Variants in EMILIN2 observed in about 807,000 individuals in gnomAD.
EMILIN2 encodes the protein elastin microfibril interfacer 2, also known as EMILIN-2.
A neutral mutation model predicts 87.1 loss-of-function variants in EMILIN2; 71 were observed. That is an observed-to-expected ratio of 0.82 (90% CI 0.67 to 0.99). The LOEUF is 0.99. Among genes scored for constraint, EMILIN2 ranks in the 50% least tolerant of loss-of-function variants. The pLI, the probability that EMILIN2 is intolerant of heterozygous loss-of-function variation, is 0.00. For missense variants in EMILIN2, 1,407 were observed against 1,371.8 expected (o/e 1.03, Z -0.40); for synonymous variants, 581 against 563.4 (o/e 1.03, Z -0.44).
At chr18:2,873,434 G>A (rs370061565) in intron 2 of EMILIN2, among the ~76,000 whole-genome samples, 14 of 148,020 alleles carry the variant, frequency 9.5e-5, no homozygotes, top group Non-Finnish European at 1.0e-4. Flanking sequence ...ATAGCTGGGC[G>A]CGGTAGCTCA....
chr18:2,879,121 G>T (rs2076764195), intron 2 of EMILIN2, among the ~76,000 whole-genome samples: 1 of 152,180 alleles, frequency 6.6e-6, no homozygotes, highest in South Asian at 2.1e-4. Flanking sequence ...TGGATGTCGG[G>T]GGAGAGAGAA....
At chr18:2,846,731 G>C (rs997095257), upstream of EMILIN2, 7 of 984,994 alleles carry the variant, frequency 7.1e-6, no homozygotes, top group Non-Finnish European at 8.4e-6. The surrounding 1 kb of genome is among the most constrained non-coding windows in gnomAD (Gnocchi z 5.3). Flanking sequence ...GGCCGGGAGC[G>C]AGCCTGTCGG....
intron 3 of EMILIN2, among the ~76,000 whole-genome samples, chr18:2,889,812 A>G (rs959761824): frequency 1.2e-4 from 18 of 148,586 alleles, no homozygotes; most frequent in Middle Eastern, 3.5e-3. Context: ...ACAGGCACAC[A>G]CCACCTCCCT....
chr18:2,889,616 G>A (rs1246057235), intron 3 of EMILIN2, among the ~76,000 whole-genome samples: 1 of 148,098 alleles, frequency 6.8e-6, no homozygotes, highest in Non-Finnish European at 1.5e-5. Flanking sequence ...CTTTCTTTTG[G>A]ATTTTTTCCT....
chr18:2,873,235 A>G (rs1243492845), intron 2 of EMILIN2, among the ~76,000 whole-genome samples: 1 of 151,656 alleles, frequency 6.6e-6, no homozygotes, highest in East Asian at 1.9e-4. Flanking sequence ...ACATGGCGAA[A>G]CCCCATCTCT....
chr18:2,873,059 A>C (rs1429170796), intron 2 of EMILIN2, among the ~76,000 whole-genome samples: 4 of 143,394 alleles, frequency 2.8e-5, no homozygotes, highest in Non-Finnish European at 4.4e-5. Context: ...TAAAAAAAAA[A>C]AACAAAACCA....
At position 2,913,491 on chromosome 18, in the gene EMILIN2, C is replaced by T. The variant is rs1043981989; in HGVS notation, c.*87C>T. ...ATTCGGTTTGTATGTAATGGAAGCA[C>T]GGGGCTAGAGTTTCCACATAGGCCC... On this transcript the variant is annotated 3_prime_UTR_variant, in exon 8 of 8. Transcript: ENST00000254528. 59 of 1,129,634 alleles carry T rather than the reference C, an allele frequency of 5.2e-5. No homozygotes were observed. Among genetic ancestry groups the T allele is most frequent in the South Asian group, 3.1e-4 (19 of 62,032 alleles). The allele number at this position is 1,129,634 out of a possible 1,614,324, so 70.0% of individuals were successfully genotyped here. A position where few individuals can be genotyped will look rare whatever the true frequency, so the allele number is the denominator to read the frequency against.
At chr18:2,909,658 G>A (rs781749048) in intron 6 of EMILIN2, 33 bp from the exon 7 acceptor site, 10 of 1,609,566 alleles carry the variant, frequency 6.2e-6, no homozygotes, top group African/African-American at 2.7e-5. Context: ...AGAAGCACCC[G>A]GGTCAATCCA....
At chr18:2,862,438 C>T (rs1051597006) in intron 2 of EMILIN2, among the ~76,000 whole-genome samples, 1 of 152,164 alleles carries the variant, frequency 6.6e-6, no homozygotes, top group African/African-American at 2.4e-5. Context: ...GAGCTTTTAG[C>T]ATGAAGGTTG....
At chr18:2,889,367 T>A (rs528524599) in intron 3 of EMILIN2, among the ~76,000 whole-genome samples, 20 of 152,042 alleles carry the variant, frequency 1.3e-4, no homozygotes, top group South Asian at 1.0e-3. Context: ...TGAACTCCTA[T>A]CCTCAAGCAA....
chr18:2,891,364 G>T lies in EMILIN2; in HGVS notation c.1237G>T (p.Asp413Tyr), dbSNP rs749295130. 2 of 1,614,194 alleles carry T rather than the reference G, an allele frequency of 1.2e-6. No homozygotes were observed. The highest frequency in any genetic ancestry group is 4.5e-5 in the East Asian group (2 of 44,890). ...CATTGGTCAACAGATCAAGACATTG[G>T]ACCAGAAAATCGAGAGAGTTGCTGA... ...GDIGQQIKTL[D>Y]QKIERVAEAT... The change falls in exon 4 of 8, where the codon GAC becomes TAC. Residue 413 changes from aspartate to tyrosine, a missense_variant. Physicochemically the swap from Asp to Tyr is radical, Grantham distance 160 (BLOSUM62 -3). Coordinates refer to ENST00000254528, the MANE Select transcript of EMILIN2 (RefSeq NM_032048.3). This position sits in a 1 kb window ranked among gnomAD's most constrained non-coding sequence, Gnocchi z 4.6.
At chr18:2,911,173 G>A (rs2076938945) in intron 7 of EMILIN2, among the ~76,000 whole-genome samples, 2 of 152,214 alleles carry the variant, frequency 1.3e-5, no homozygotes, top group Admixed American at 6.5e-5. Context: ...ATTCAAGTGC[G>A]GTCTGACAGG....
rs183506472 is a variant in EMILIN2, at chr18:2,913,028, G to A, written c.2825-39G>A. On this transcript the variant is annotated intron_variant, in intron 7 of 7. Transcript: ENST00000254528. ...TTACTACCATGGCAAGGGCTGTGAC[G>A]ACAGCAGGTGAGCACAGGGTTTGCC... 3.9e-4 allele frequency: 626 copies of A among 1,596,966 alleles called. 1 individual carries two copies. In the African/African-American group the frequency reaches 5.3e-3, roughly 14 times the overall value.
rs1357681001 is a variant in EMILIN2, at chr18:2,848,970, G to A, written c.257+1039G>A. On this transcript the variant is annotated intron_variant, in intron 2 of 7. Transcript: ENST00000254528. This position sits in a 1 kb window ranked among gnomAD's most constrained non-coding sequence, Gnocchi z 4.1. ...TGGGTCCACCCCACGTGGGCTTCTG[G>A]AGGAGCTGCCAACAGGGTTCAGCTA... Among the ~76,000 whole-genome samples the A allele has an allele frequency of 6.6e-6, 1 of 152,160 alleles. No homozygotes were observed. The highest frequency in any genetic ancestry group is 6.5e-5 in the Admixed American group (1 of 15,270).
chr18:2,901,561 C>A (rs1021192710), intron 4 of EMILIN2, among the ~76,000 whole-genome samples: 15 of 152,166 alleles, frequency 9.9e-5, no homozygotes, highest in Admixed American at 2.0e-4. Flanking sequence ...AGGCTGTGAC[C>A]CTACCCGACC....
Position 2,909,835 on chromosome 18 carries a change from G to A in EMILIN2, c.2824+16G>A, listed in dbSNP as rs1438033908. ...CCCAGCACCGGTGAGTGTTTGAACGGAACTGGTACTGTGTCCTCCTCCTAC... is the reference window on the plus strand; with the variant it reads ...CCCAGCACCGGTGAGTGTTTGAACGAAACTGGTACTGTGTCCTCCTCCTAC... On this transcript the variant is annotated intron_variant, in intron 7 of 7. Coordinates refer to ENST00000254528, the MANE Select transcript of EMILIN2 (RefSeq NM_032048.3). 1 of 1,611,014 alleles carries A rather than the reference G, an allele frequency of 6.2e-7. No individual in the cohort carries two copies. Among genetic ancestry groups the A allele is most frequent in the Non-Finnish European group, 8.5e-7 (1 of 1,178,864 alleles).
intron 2 of EMILIN2, among the ~76,000 whole-genome samples, chr18:2,857,194 T>A (rs1213548517): frequency 1.3e-5 from 2 of 152,218 alleles, no homozygotes; most frequent in African/African-American, 2.4e-5. Flanking sequence ...TATTATGTGT[T>A]TGGTTAAAGA....
chr18:2,913,321 G>A lies in EMILIN2; in HGVS notation c.3079G>A (p.Gly1027Ser). ...TGCAGTCAACGTCGTGGTGACTGGG[G>A]GCAAGCTGGCTCACACAGACTTTGA... ...GDAVNVVVTG[G>S]KLAHTDFDEM... Residue 1027 changes from glycine to serine, a missense_variant, in exon 8 of 8, where the codon GGC becomes AGC. Physicochemically the swap from Gly to Ser is moderately conservative, Grantham distance 56 (BLOSUM62 0). Transcript: ENST00000254528. 1 of 1,613,002 alleles carries A rather than the reference G, an allele frequency of 6.2e-7. No homozygotes were observed. Among genetic ancestry groups the A allele is most frequent in the Non-Finnish European group, 8.5e-7 (1 of 1,179,394 alleles).
chr18:2,855,495 T>G (rs1320741856), intron 2 of EMILIN2, among the ~76,000 whole-genome samples: 3 of 152,212 alleles, frequency 2.0e-5, no homozygotes, highest in Non-Finnish European at 4.4e-5. Context: ...AGAACTTGTC[T>G]TAATTAAGCT....
Sources: allele counts gnomAD v4.1 joint callset (sites outside exome capture counted in the v4.1 genomes callset), GRCh38; gene constraint gnomAD v4.1.1; non-coding constraint Gnocchi (gnomAD v3.1); transcripts MANE v1.5; gene names NCBI Gene and HGNC (gene_info 2026-07-23, HGNC 2026-07-21).